The following SLCO2A1 variants were observed in gnomAD, a reference collection of about 807,000 sequenced individuals.
SLCO2A1 encodes the protein solute carrier organic anion transporter family member 2A1.
A neutral mutation model predicts 71.7 loss-of-function variants in SLCO2A1; 60 were observed. The observed-to-expected ratio is 0.84, with a 90% CI of 0.68 to 1.04. The LOEUF is 1.04. Ranked by LOEUF, SLCO2A1 falls within the 50% of genes least tolerant of loss-of-function variation. The pLI is 0.00. For missense variants in SLCO2A1, 745 were observed against 813.4 expected, an observed-to-expected ratio of 0.92 and a Z score of 1.02; for synonymous variants, 308 against 326.7, an observed-to-expected ratio of 0.94 and a Z score of 0.62.
chr3:133,988,233 A>G (rs1024505221), intron 1 of SLCO2A1, among the ~76,000 whole-genome samples: 1 of 152,168 alleles, frequency 6.6e-6, no homozygotes, highest in Non-Finnish European at 1.5e-5. Context: ...ACATTTTACA[A>G]CCTATTCCCT....
At chr3:134,027,136 A>T (rs1470706385) in intron 1 of SLCO2A1, among the ~76,000 whole-genome samples, 2 of 152,220 alleles carry the variant, frequency 1.3e-5, no homozygotes, top group Non-Finnish European at 2.9e-5. Context: ...AGTAAAAATG[A>T]AAGTGAGAAC....
At chr3:134,014,092 C>G (rs1282695468) in intron 1 of SLCO2A1, among the ~76,000 whole-genome samples, 1 of 152,162 alleles carries the variant, frequency 6.6e-6, no homozygotes, top group African/African-American at 2.4e-5. Flanking sequence ...TAGACATAAA[C>G]AAGTATGACT....
At chr3:133,947,541 C>T in intron 8 of SLCO2A1, 96 bp from the exon 9 acceptor site, 1 of 1,029,398 alleles carries the variant, frequency 9.7e-7, no homozygotes, top group Non-Finnish European at 1.4e-6. Context: ...GGAAGCATGG[C>T]TTCAGGAAGG....
intron 1 of SLCO2A1, among the ~76,000 whole-genome samples, chr3:133,981,146 G>A (rs1264911180): frequency 3.3e-5 from 5 of 152,244 alleles, no homozygotes; most frequent in Non-Finnish European, 7.3e-5. Flanking sequence ...TTGGGGCTTA[G>A]ATGCTAGTCA....
At chr3:133,961,190 G>C (rs1321912467) in intron 3 of SLCO2A1, among the ~76,000 whole-genome samples, 1 of 152,082 alleles carries the variant, frequency 6.6e-6, no homozygotes, top group Non-Finnish European at 1.5e-5. Context: ...AAGGAGGGGA[G>C]TTGATTCCAT....
chr3:133,995,924 C>T (rs1018948341), intron 1 of SLCO2A1, among the ~76,000 whole-genome samples: 38 of 151,816 alleles, frequency 2.5e-4, no homozygotes, highest in African/African-American at 9.2e-4. Flanking sequence ...CAAATTTCTG[C>T]AGGAATAGTA....
intron 1 of SLCO2A1, among the ~76,000 whole-genome samples, chr3:134,023,726 C>T (rs1448910856): frequency 6.6e-6 from 1 of 152,162 alleles, no homozygotes; most frequent in African/African-American, 2.4e-5. Context: ...GATGCAAATG[C>T]TTGGTTAAAA....
At chr3:133,981,765 A>G (rs906002647) in intron 1 of SLCO2A1, among the ~76,000 whole-genome samples, 1 of 152,158 alleles carries the variant, frequency 6.6e-6, no homozygotes, top group African/African-American at 2.4e-5. Flanking sequence ...TCATGAGGTC[A>G]GGAGTTCGAG....
intron 1 of SLCO2A1, among the ~76,000 whole-genome samples, chr3:133,986,098 A>T (rs1934707803): frequency 6.6e-6 from 1 of 152,218 alleles, no homozygotes; most frequent in Non-Finnish European, 1.5e-5. Context: ...ATTTGTCAAA[A>T]CTCAACAAAT....
At chr3:134,019,466 T>A (rs1394675506) in intron 1 of SLCO2A1, among the ~76,000 whole-genome samples, 6 of 152,254 alleles carry the variant, frequency 3.9e-5, no homozygotes, top group African/African-American at 1.4e-4. Flanking sequence ...GGTGGAACAA[T>A]TGTTCCTAAA....
At chr3:133,990,608 T>C (rs146019793) in intron 1 of SLCO2A1, among the ~76,000 whole-genome samples, 7 of 152,282 alleles carry the variant, frequency 4.6e-5, no homozygotes, top group Non-Finnish European at 7.3e-5. Flanking sequence ...CTCCAACAGA[T>C]GGCAGGTGGC....
At chr3:133,984,522 A>G (rs1042585115) in intron 1 of SLCO2A1, among the ~76,000 whole-genome samples, 1 of 152,220 alleles carries the variant, frequency 6.6e-6, no homozygotes, top group African/African-American at 2.4e-5. Flanking sequence ...TGGTTCTGTC[A>G]GGGCCACTCA....
At chr3:133,980,822 C>A (rs1488407999) in intron 1 of SLCO2A1, among the ~76,000 whole-genome samples, 1 of 152,200 alleles carries the variant, frequency 6.6e-6, no homozygotes, top group Admixed American at 6.5e-5. Context: ...ATCCATGTGT[C>A]CATGCTCACA....
At chr3:133,975,836 C>T (rs1327828287) in intron 2 of SLCO2A1, among the ~76,000 whole-genome samples, 4 of 152,194 alleles carry the variant, frequency 2.6e-5, no homozygotes, top group Admixed American at 6.5e-5. Context: ...TCTCTGACCT[C>T]GTCATTTAAA....
chr3:133,988,202 A>T (rs1934758521), intron 1 of SLCO2A1, among the ~76,000 whole-genome samples: 1 of 152,228 alleles, frequency 6.6e-6, no homozygotes, highest in Non-Finnish European at 1.5e-5. Flanking sequence ...ACATTGACAC[A>T]GTCTGTAAGC....
intron 1 of SLCO2A1, among the ~76,000 whole-genome samples, chr3:134,003,174 C>T (rs1047735391): frequency 2.0e-5 from 3 of 152,228 alleles, no homozygotes; most frequent in Non-Finnish European, 4.4e-5. Flanking sequence ...GGTTTCAAGA[C>T]TCCTGAATGA....
chr3:134,029,052 C>T (rs547177102), intron 1 of SLCO2A1, among the ~76,000 whole-genome samples: 1 of 152,300 alleles, frequency 6.6e-6, no homozygotes, highest in African/African-American at 2.4e-5. Context: ...GGGCCATTTC[C>T]AGACCAGGGA....
At chr3:133,951,121 T>A (rs1933733584) in intron 6 of SLCO2A1, 87 bp downstream of exon 6, 1 of 1,560,764 alleles carries the variant, frequency 6.4e-7, no homozygotes. Context: ...CTTAACATGC[T>A]GCAGCTTTTT....
At chr3:133,977,466 T>C (rs564999369) in intron 2 of SLCO2A1, among the ~76,000 whole-genome samples, 4 of 152,272 alleles carry the variant, frequency 2.6e-5, no homozygotes, top group Admixed American at 2.0e-4. Context: ...ACATTTTTGT[T>C]CCAAGCATAG....
Sources: allele counts gnomAD v4.1 joint callset (sites outside exome capture counted in the v4.1 genomes callset), GRCh38; gene constraint gnomAD v4.1.1; transcripts MANE v1.5; gene names NCBI Gene and HGNC (gene_info 2026-07-23, HGNC 2026-07-21).